Variants in LYN observed in about 807,000 individuals in gnomAD.
The protein encoded by LYN is LYN proto-oncogene, Src family tyrosine kinase, also known as tyrosine-protein kinase Lyn.
In LYN, 12 loss-of-function variants were observed where a neutral mutation model predicts 65.0. That is an observed-to-expected ratio of 0.18 (90% CI 0.12 to 0.30). The LOEUF is 0.30. LYN is among the 10% of genes least tolerant of loss of function. The probability of loss-of-function intolerance (pLI) is 1.00; values close to 1 mark genes in which losing one functional copy is unlikely to be tolerated. For synonymous variants in LYN, 222 were observed against 221.2 expected, an observed-to-expected ratio of 1.00 and a Z score of -0.03; for missense variants, 380 against 623.2, an observed-to-expected ratio of 0.61 and a Z score of 4.16.
chr8:55,887,605 T>C (rs71519439), intron 1 of LYN, among the ~76,000 whole-genome samples: 14,543 of 81,728 alleles, frequency 0.18, 1,125 homozygotes, highest in East Asian at 0.23. Flanking sequence ...CACACACACA[T>C]ATATATATAT....
chr8:56,002,203 A>C (rs555754240), intron 12 of LYN, among the ~76,000 whole-genome samples: 1 of 152,140 alleles, frequency 6.6e-6, no homozygotes, highest in Non-Finnish European at 1.5e-5. Flanking sequence ...GCGGATCACA[A>C]GGTCAGGAGA....
At chr8:55,891,216 G>A (rs1029579506) in intron 1 of LYN, among the ~76,000 whole-genome samples, 15 of 151,992 alleles carry the variant, frequency 9.9e-5, no homozygotes, top group Non-Finnish European at 1.8e-4. Context: ...GTCGAACATG[G>A]TGGTGCATGC....
chr8:55,957,755 C>A (rs1035802274), intron 8 of LYN, among the ~76,000 whole-genome samples: 1 of 152,040 alleles, frequency 6.6e-6, no homozygotes, highest in East Asian at 1.9e-4. Context: ...CTAGTCTGGA[C>A]AACATGGTGA....
intron 1 of LYN, among the ~76,000 whole-genome samples, chr8:55,916,165 A>AT (rs754777611): frequency 6.6e-5 from 10 of 152,152 alleles, no homozygotes; most frequent in Non-Finnish European, 1.5e-4. Flanking sequence ...TTCAGAAAAA[A>AT]TTTTTATTGA....
At chr8:56,004,827 T>C (rs151052738) in intron 12 of LYN, among the ~76,000 whole-genome samples, 2,270 of 152,220 alleles carry the variant, frequency 0.015, 56 homozygotes, top group African/African-American at 0.045. Context: ...CTCTGTCACC[T>C]GGGCTGGAGT....
chr8:55,954,247 A>G (rs540267184), intron 8 of LYN, among the ~76,000 whole-genome samples: 2 of 152,258 alleles, frequency 1.3e-5, no homozygotes, highest in East Asian at 1.9e-4. Flanking sequence ...TCATCTGCCT[A>G]TTTCTTCATG....
At position 56,012,459 on chromosome 8, in the gene LYN, C is replaced by T. The variant is rs550944681; in HGVS notation, c.*2349C>T. On this transcript the variant is annotated 3_prime_UTR_variant, in exon 13 of 13. Coordinates refer to ENST00000519728, the MANE Select transcript of LYN (RefSeq NM_002350.4). ...CTCCAGTCAGCTAGACACAGTGGCT[C>T]ATGCCTGTAATCTCAGCACTTTGGG... The T allele has an allele frequency of 1.2e-5, 2 of 172,414 alleles. No homozygotes were observed. The highest frequency in any genetic ancestry group is 2.0e-4 in the South Asian group (1 of 5,004). The allele number at this position is 172,414 out of a possible 1,614,324, so 10.7% of individuals were successfully genotyped here.
Position 55,973,894 on chromosome 8 carries a change from A to C in LYN, c.1050+4101A>C, listed in dbSNP as rs185916568. 1.9e-3 allele frequency among the ~76,000 whole-genome samples: 285 copies of C among 152,380 alleles called. 4 individuals are homozygous for C. Among genetic ancestry groups the C allele is most frequent in the African/African-American group, 6.4e-3 (265 of 41,590 alleles). ...CCAGAAGTTCAGGACCAGCCTGGAC[A>C]ATGTGGCAAGAATCTGTCTCTTTAA... On this transcript the variant is annotated intron_variant, in intron 10 of 12. Transcript: ENST00000519728.
At chr8:55,902,133 G>A (rs1325417531) in intron 1 of LYN, among the ~76,000 whole-genome samples, 1 of 151,646 alleles carries the variant, frequency 6.6e-6, no homozygotes, top group African/African-American at 2.4e-5. Context: ...TCAGCCTCCC[G>A]AGTAGCTGGG....
intron 8 of LYN, among the ~76,000 whole-genome samples, chr8:55,964,732 A>G (rs751817428): frequency 6.6e-5 from 10 of 152,154 alleles, no homozygotes; most frequent in South Asian, 2.1e-4. Flanking sequence ...GAGAAGAGAA[A>G]AGAAAAGAGT....
intron 1 of LYN, among the ~76,000 whole-genome samples, chr8:55,889,522 G>A (rs1290432296): frequency 1.3e-5 from 2 of 152,154 alleles, no homozygotes; most frequent in Non-Finnish European, 2.9e-5. Flanking sequence ...TATATTTATC[G>A]AGTGCTGTAT....
intron 1 of LYN, among the ~76,000 whole-genome samples, chr8:55,909,877 G>A (rs562606477): frequency 2.6e-5 from 4 of 151,748 alleles, no homozygotes; most frequent in Non-Finnish European, 5.9e-5. Flanking sequence ...GATTAGTGAT[G>A]TTGAGGATTT....
At chr8:55,943,762 C>G (rs1806696268) in intron 2 of LYN, among the ~76,000 whole-genome samples, 1 of 151,992 alleles carries the variant, frequency 6.6e-6, no homozygotes, top group East Asian at 1.9e-4. Flanking sequence ...ATCATTGAGA[C>G]AAAGAAATCA....
intron 12 of LYN, among the ~76,000 whole-genome samples, chr8:56,000,296 G>A (rs1326267939): frequency 6.6e-6 from 1 of 152,098 alleles, no homozygotes; most frequent in Non-Finnish European, 1.5e-5. Flanking sequence ...TCAGTGGGAG[G>A]CCCTTCTGCT....
intron 1 of LYN, among the ~76,000 whole-genome samples, chr8:55,937,813 A>AGGCTCCTGAGAAGCTGG (rs1284674697): frequency 1.3e-5 from 2 of 152,140 alleles, no homozygotes; most frequent in Admixed American, 6.5e-5. Context: ...CTCCTGCCTC[A>AGGCTCCTGAGAAGCTGG]GGCTCCTGAG....
At chr8:55,974,086 T>G (rs1807687775) in intron 10 of LYN, among the ~76,000 whole-genome samples, 1 of 152,230 alleles carries the variant, frequency 6.6e-6, no homozygotes, top group Non-Finnish European at 1.5e-5. Flanking sequence ...GTTTAGTACC[T>G]CTTACAGATA....
chr8:55,905,095 A>C (rs1232087370), intron 1 of LYN, among the ~76,000 whole-genome samples: 3 of 152,004 alleles, frequency 2.0e-5, no homozygotes, highest in African/African-American at 7.2e-5. Context: ...GCTATGTGGG[A>C]ATCTTTCGGC....
chr8:55,995,100 A>C (rs1187416635), intron 10 of LYN, among the ~76,000 whole-genome samples: 1 of 152,120 alleles, frequency 6.6e-6, no homozygotes. Flanking sequence ...CGCCACCAAA[A>C]TTGCCACCCC....
intron 1 of LYN, among the ~76,000 whole-genome samples, chr8:55,894,536 ATTTT>A (rs34130107): frequency 7.0e-6 from 1 of 142,944 alleles, no homozygotes. Flanking sequence ...CACCTGGCTA[ATTTT>A]TTTTTTTTTT....
Sources: gnomAD v4.1 joint callset for allele counts (sites outside exome capture counted in the v4.1 genomes callset) on GRCh38, gnomAD v4.1.1 for gene constraint, MANE v1.5 for transcripts, NCBI Gene and HGNC (gene_info 2026-07-23, HGNC 2026-07-21) for gene names.